The following ACAN variants were observed in gnomAD, a reference collection of about 807,000 sequenced individuals.
ACAN encodes aggrecan.
Under a neutral mutation model 169.1 loss-of-function variants are expected in ACAN, and 47 were observed. The ratio of observed to expected loss-of-function variants is 0.28; its 90% confidence interval spans 0.22 to 0.35. The LOEUF is 0.35. Ranked by LOEUF, ACAN falls within the 10% of genes least tolerant of loss-of-function variation. The pLI, the probability that ACAN is intolerant of heterozygous loss-of-function variation, is 1.00. For synonymous variants in ACAN, 1,115 were observed against 1,112.2 expected, an observed-to-expected ratio of 1.00 and a Z score of -0.05; for missense variants, 2,716 against 2,759.9, an observed-to-expected ratio of 0.98 and a Z score of 0.36.
At position 88,849,399 on chromosome 15, in the gene ACAN, G is replaced by GT. The variant is rs1896874762; in HGVS notation, c.1733-38dup. The GT allele has an allele frequency of 5.3e-6, 8 of 1,521,026 alleles. No individual in the cohort carries two copies. Among genetic ancestry groups the GT allele is most frequent in the African/African-American group, 1.4e-5 (1 of 73,150 alleles). The allele number at this position is 1,521,026 out of a possible 1,614,324, so 94.2% of individuals were successfully genotyped here. A position where few individuals can be genotyped will look rare whatever the true frequency, so the allele number is the denominator to read the frequency against. The stretch of plus-strand genomic sequence containing the variant: ...GGGCAGGGATGGACCTGGCCTGAGT[G>GT]TGGGGGGGTCATATTCTACCCCTTG... On this transcript the variant is annotated intron_variant, in intron 9 of 18. Transcript: ENST00000560601. This position sits in a 1 kb window ranked among gnomAD's most constrained non-coding sequence, Gnocchi z 5.1.
In ACAN at chr15:88,814,246, T is replaced by G. The variant is rs1239856925; in HGVS notation, c.-8+10437T>G. Among the ~76,000 whole-genome samples, 2 of 152,180 alleles carry G rather than the reference T, an allele frequency of 1.3e-5. No individual in the cohort carries two copies. Among genetic ancestry groups the G allele is most frequent in the Non-Finnish European group, 2.9e-5 (2 of 68,026 alleles). Reference sequence around the variant, plus strand: ...GTTGGGAGGGTAAAATGAGATAATATAGCTAAACCACAGTACCTCCCACAG... The same window carrying G: ...GTTGGGAGGGTAAAATGAGATAATAGAGCTAAACCACAGTACCTCCCACAG... On this transcript the variant is annotated intron_variant, in intron 1 of 18. Coordinates refer to ENST00000560601, the MANE Select transcript of ACAN (RefSeq NM_001369268.1). This position sits in a 1 kb window ranked among gnomAD's most constrained non-coding sequence, Gnocchi z 4.0.
chr15:88,821,268 TA>T (rs2141517230), intron 1 of ACAN, among the ~76,000 whole-genome samples: 2 of 152,052 alleles, frequency 1.3e-5, no homozygotes, highest in South Asian at 4.2e-4. Flanking sequence ...GCCTCCCGAG[TA>T]GCTGGAACCA....
Position 88,866,224 on chromosome 15 carries a change from A to C in ACAN, c.6947-1992A>C, listed in dbSNP as rs1596153164. 6.6e-6 allele frequency among the ~76,000 whole-genome samples: 1 copy of C among 151,828 alleles called. No individual in the cohort carries two copies. The highest frequency in any genetic ancestry group is 2.1e-4 in the South Asian group (1 of 4,802). On this transcript the variant is annotated intron_variant, in intron 13 of 18. Transcript: ENST00000560601. The surrounding 1 kb of genome is among the most constrained non-coding windows in gnomAD (Gnocchi z 5.6). Reference sequence around the variant, plus strand: ...TCTTTCCTTTCCTGCCCTTTCTCCCATGGGCAGCCAGAGGCCCCAGGGTTG... The same window carrying C: ...TCTTTCCTTTCCTGCCCTTTCTCCCCTGGGCAGCCAGAGGCCCCAGGGTTG...
chr15:88,832,349 C>A (rs991438763), intron 1 of ACAN, among the ~76,000 whole-genome samples: 2 of 151,558 alleles, frequency 1.3e-5, no homozygotes, highest in Non-Finnish European at 2.9e-5. Context: ...ATGGCTCACA[C>A]CTGTAATCCC....
intron 1 of ACAN, among the ~76,000 whole-genome samples, chr15:88,825,295 G>A (rs549949634): frequency 5.5e-4 from 83 of 152,200 alleles, no homozygotes; most frequent in Non-Finnish European, 1.0e-3. Context: ...CAGGGAACAC[G>A]AGGACTTCTG....
rs764074781 is a variant in ACAN at position 88,847,413 on chromosome 15, G to T, written c.1600G>T (p.Val534Phe). 1 of 1,571,144 alleles carries T rather than the reference G, an allele frequency of 6.4e-7. No homozygotes were observed. The change falls in exon 8 of 19, where the codon GTC (valine) becomes TTC (phenylalanine). Residue 534 changes from valine (V) to phenylalanine (F), a missense_variant. Around this residue, in one of 3 missense-constraint regions of ACAN, gnomAD observed 1,283 missense variants for 1,281.5 expected, o/e 1.00. Transcript: ENST00000560601. ...CGCCGGCTGGCTGCGGGACCAGACC[G>T]TCAGGTGAAGCCATGCTCCTCGCCC... ...CDAGWLRDQT[V>F]RYPIVSPRTP... is the part of the protein sequence containing the mutation.
rs1005998436 is a variant in ACAN, at chr15:88,814,035, A to G, written c.-8+10226A>G. ...GATGACATCTAGTGCTTAGACTCAC[A>G]AAAGAATCCATTCAGCCATTGTCTT... is the stretch of plus-strand genomic sequence containing the variant. On this transcript the variant is annotated intron_variant, in intron 1 of 18. Coordinates refer to ENST00000560601, the MANE Select transcript of ACAN (RefSeq NM_001369268.1). The surrounding 1 kb of genome is among the most constrained non-coding windows in gnomAD (Gnocchi z 4.0). Among the ~76,000 whole-genome samples, 1 of 152,196 alleles carries G rather than the reference A, an allele frequency of 6.6e-6. No homozygotes were observed. Among genetic ancestry groups the G allele is most frequent in the Non-Finnish European group, 1.5e-5 (1 of 68,030 alleles).
At chr15:88,829,502 C>T (rs1896306957) in intron 1 of ACAN, among the ~76,000 whole-genome samples, 1 of 152,126 alleles carries the variant, frequency 6.6e-6, no homozygotes, top group African/African-American at 2.4e-5. Flanking sequence ...GGGTCCCTGG[C>T]CTTTTCCCTA....
At chr15:88,862,238 A>C (rs1897209087) in intron 13 of ACAN, among the ~76,000 whole-genome samples, 1 of 152,186 alleles carries the variant, frequency 6.6e-6, no homozygotes, top group Non-Finnish European at 1.5e-5. Flanking sequence ...ATTTGTAAAC[A>C]GGGATCGATG....
intron 8 of ACAN, 138 bp from the exon 9 acceptor site, chr15:88,847,772 GC>G (rs1389484811): frequency 8.7e-7 from 1 of 1,147,040 alleles, no homozygotes; most frequent in African/African-American, 1.6e-5. Context: ...TGCATAAGGG[GC>G]TTTTTCCTGG....
Position 88,847,392 on chromosome 15 carries a change from G to A in ACAN, c.1579G>A (p.Gly527Ser), listed in dbSNP as rs747469866. The change falls in exon 8 of 19, where the codon GGC becomes AGC. Residue 527 changes from glycine (G) to serine (S), a missense_variant. Gly to Ser is a moderately conservative substitution (Grantham distance 56). Around this residue, in one of 3 missense-constraint regions of ACAN, gnomAD observed 1,283 missense variants for 1,281.5 expected, o/e 1.00. Coordinates refer to ENST00000560601, the MANE Select transcript of ACAN (RefSeq NM_001369268.1). ...AGCAGGCTATGAGCAGTGTGACGCC[G>A]GCTGGCTGCGGGACCAGACCGTCAG... ...YEAGYEQCDAGWLRDQTVRYP... is the reference protein window; with the variant it reads ...YEAGYEQCDASWLRDQTVRYP... 5 of 1,582,140 alleles carry A rather than the reference G, an allele frequency of 3.2e-6. No homozygotes were observed. The South Asian group carries it at 3.4e-5, about 11-fold the overall frequency.
Position 88,860,448 on chromosome 15 carries a change from C to G in ACAN, c.6946+9C>G, listed in dbSNP as rs767897237. 14 of 1,609,360 alleles carry G rather than the reference C, an allele frequency of 8.7e-6. No homozygotes were observed. Among genetic ancestry groups the G allele is most frequent in the Admixed American group, 1.7e-5 (1 of 59,822 alleles). Reference sequence around the variant, plus strand: ...CGAGCACTGTAACATAGGTAAGGCCCTCATTGGCCGTGGAGAGTGAGGGCG... The same window carrying G: ...CGAGCACTGTAACATAGGTAAGGCCGTCATTGGCCGTGGAGAGTGAGGGCG... On this transcript the variant is annotated intron_variant, in intron 13 of 18. Coordinates refer to ENST00000560601, the MANE Select transcript of ACAN (RefSeq NM_001369268.1).
Position 88,866,907 on chromosome 15 carries a change from A to G in ACAN, c.6947-1309A>G, listed in dbSNP as rs566057638. Among the ~76,000 whole-genome samples, 75 of 152,270 alleles carry G rather than the reference A, an allele frequency of 4.9e-4. No homozygotes were observed. Among genetic ancestry groups the G allele is most frequent in the African/African-American group, 1.8e-3 (73 of 41,562 alleles). On this transcript the variant is annotated intron_variant, in intron 13 of 18. Coordinates refer to ENST00000560601, the MANE Select transcript of ACAN (RefSeq NM_001369268.1). The surrounding 1 kb of genome is among the most constrained non-coding windows in gnomAD (Gnocchi z 5.6). ...TGCAGAGCCCACCTACAGACATGTCACTGGATCTGGAAGGCTGTGTGAACA... is the reference window on the plus strand; with the variant it reads ...TGCAGAGCCCACCTACAGACATGTCGCTGGATCTGGAAGGCTGTGTGAACA...
At chr15:88,845,933 C>T in intron 7 of ACAN, 51 bp downstream of exon 7, 15 of 1,434,844 alleles carry the variant, frequency 1.0e-5, no homozygotes, top group Non-Finnish European at 1.4e-5. Context: ...AGAACTTGGC[C>T]TGCAGGGAAG....
Position 88,866,578 on chromosome 15 carries a change from C to G in ACAN, c.6947-1638C>G, listed in dbSNP as rs563815245. Among the ~76,000 whole-genome samples, 1 of 151,630 alleles carries G rather than the reference C, an allele frequency of 6.6e-6. No homozygotes were observed. The highest frequency in any genetic ancestry group is 1.5e-5 in the Non-Finnish European group (1 of 67,872). On this transcript the variant is annotated intron_variant, in intron 13 of 18. Transcript: ENST00000560601. This position sits in a 1 kb window ranked among gnomAD's most constrained non-coding sequence, Gnocchi z 5.6. ...TTGGTTCTAGTCTATGGTGTGCCCC[C>G]CCGAGATGAAGTTAAAGACTTCATG...
chr15:88,817,846 T>C (rs1165944588), intron 1 of ACAN, among the ~76,000 whole-genome samples: 4 of 51,372 alleles, frequency 7.8e-5, no homozygotes, highest in African/African-American at 9.7e-5. Flanking sequence ...AGAGTGAGAC[T>C]CTGAAAAAAA....
chr15:88,827,076 C>G (rs769108421), intron 1 of ACAN, among the ~76,000 whole-genome samples: 1 of 152,122 alleles, frequency 6.6e-6, no homozygotes, highest in Non-Finnish European at 1.5e-5. Context: ...TGACATACAG[C>G]AGGCCCTTCC....
At chr15:88,808,173 T>TC in intron 1 of ACAN, among the ~76,000 whole-genome samples, 1 of 152,226 alleles carries the variant, frequency 6.6e-6, no homozygotes, top group African/African-American at 2.4e-5. Context: ...TCTCTGGCAG[T>TC]CCCCAGATCA....
rs1896673655 is a variant in ACAN, at chr15:88,841,929, C to T, written c.757+62C>T. The stretch of plus-strand genomic sequence containing the variant: ...CTTCCCAAGGCCACCTTCCCCTCCC[C>T]ATCTCCCCACTGACACCTGAGATCA... On this transcript the variant is annotated intron_variant, in intron 5 of 18. Coordinates refer to ENST00000560601, the MANE Select transcript of ACAN (RefSeq NM_001369268.1). The T allele has an allele frequency of 4.4e-6, 7 of 1,599,730 alleles. No individual in the cohort carries two copies. The South Asian group carries it at 7.7e-5, about 18-fold the overall frequency.
Sources: allele counts gnomAD v4.1 joint callset (sites outside exome capture counted in the v4.1 genomes callset), GRCh38; gene constraint gnomAD v4.1.1; regional missense constraint gnomAD v4.1.1; non-coding constraint Gnocchi (gnomAD v3.1); transcripts MANE v1.5; gene names NCBI Gene and HGNC (gene_info 2026-07-23, HGNC 2026-07-21).